MAST4: variants seen among roughly 807,000 people sequenced by gnomAD.
MAST4 encodes microtubule-associated serine/threonine-protein kinase 4.
A neutral mutation model predicts 162.7 loss-of-function variants in MAST4; 89 were observed. The observed-to-expected ratio is 0.55, with a 90% CI of 0.46 to 0.65. MAST4 has a LOEUF of 0.65. Among genes scored for constraint, MAST4 ranks in the 30% least tolerant of loss-of-function variants. The pLI, the probability that MAST4 is intolerant of heterozygous loss-of-function variation, is 0.00. For synonymous variants in MAST4, 1,479 were observed against 1,361.1 expected, an observed-to-expected ratio of 1.09 and a Z score of -1.91; for missense variants, 3,153 against 3,374.0, an observed-to-expected ratio of 0.93 and a Z score of 1.62.
intron 16 of MAST4, among the ~76,000 whole-genome samples, chr5:67,132,809 G>A (rs1398530094): frequency 1.3e-5 from 2 of 151,950 alleles, no homozygotes; most frequent in Non-Finnish European, 2.9e-5. Context: ...TTTGAAAAAT[G>A]CAGGGGAAAA....
intron 4 of MAST4, among the ~76,000 whole-genome samples, chr5:66,993,768 CA>C (rs1750299014): frequency 6.6e-6 from 1 of 152,152 alleles, no homozygotes; most frequent in South Asian, 2.1e-4. Flanking sequence ...GGAGAAATAA[CA>C]AGGGATTATA....
At chr5:67,007,089 T>C (rs906839502) in intron 4 of MAST4, among the ~76,000 whole-genome samples, 10 of 152,134 alleles carry the variant, frequency 6.6e-5, no homozygotes, top group African/African-American at 2.4e-4. Context: ...ATTATGTAGA[T>C]TCAGAAGGCT....
At chr5:67,035,621 G>T (rs1388405076) in intron 4 of MAST4, among the ~76,000 whole-genome samples, 2 of 152,194 alleles carry the variant, frequency 1.3e-5, no homozygotes, top group East Asian at 3.9e-4. Flanking sequence ...TTTAAACTGG[G>T]ATGTGGTCCT....
intron 1 of MAST4, among the ~76,000 whole-genome samples, chr5:66,715,957 A>T (rs977276880): frequency 5.3e-5 from 8 of 152,098 alleles, no homozygotes; most frequent in Non-Finnish European, 1.2e-4. Context: ...GATAATCTAG[A>T]TTAAATTTTT....
At chr5:66,673,639 C>T (rs1465613518) in intron 1 of MAST4, among the ~76,000 whole-genome samples, 2 of 150,664 alleles carry the variant, frequency 1.3e-5, no homozygotes, top group African/African-American at 2.4e-5. Context: ...GGATCACAGG[C>T]ACGTGCTGCC....
chr5:66,985,213 C>G (rs1399759175), intron 4 of MAST4, among the ~76,000 whole-genome samples: 1 of 152,052 alleles, frequency 6.6e-6, no homozygotes, highest in African/African-American at 2.4e-5. Context: ...GGAGAGTGGT[C>G]TTCTGTGTGG....
At chr5:66,775,815 C>T (rs188281982) in intron 2 of MAST4, among the ~76,000 whole-genome samples, 3 of 152,148 alleles carry the variant, frequency 2.0e-5, no homozygotes, top group East Asian at 1.9e-4. Context: ...CATTTGGAGG[C>T]GCTGGGGGAG....
At chr5:66,913,437 G>A (rs1471942048) in intron 4 of MAST4, among the ~76,000 whole-genome samples, 1 of 152,166 alleles carries the variant, frequency 6.6e-6, no homozygotes, top group Non-Finnish European at 1.5e-5. Context: ...ATTCGTCCAT[G>A]TCATAGCATA....
intron 1 of MAST4, among the ~76,000 whole-genome samples, chr5:66,741,925 C>T (rs1231475755): frequency 6.6e-6 from 1 of 152,008 alleles, no homozygotes; most frequent in Non-Finnish European, 1.5e-5. Flanking sequence ...GCTTAAAATC[C>T]CTGTATAAGG....
At chr5:67,052,216 A>G (rs1267628224) in intron 4 of MAST4, among the ~76,000 whole-genome samples, 1 of 152,180 alleles carries the variant, frequency 6.6e-6, no homozygotes, top group Non-Finnish European at 1.5e-5. Flanking sequence ...CATTGCATTC[A>G]TAATGAATCA....
chr5:67,078,924 A>ATTT (rs1561622301), intron 5 of MAST4, among the ~76,000 whole-genome samples: 7 of 78,698 alleles, frequency 8.9e-5, no homozygotes, highest in African/African-American at 3.6e-4. Context: ...ATATATATAT[A>ATTT]TATATATATA....
intron 5 of MAST4, among the ~76,000 whole-genome samples, chr5:67,066,377 A>G (rs546086473): frequency 3.0e-4 from 46 of 151,154 alleles, no homozygotes; most frequent in Non-Finnish European, 6.5e-4. Context: ...TGCATTTTAT[A>G]TATCTATTAT....
Position 67,168,346 on chromosome 5 carries a change from TA to T in MAST4, c.*1297del, listed in dbSNP as rs1774274290. The T allele has an allele frequency of 6.6e-6, 1 of 152,170 alleles. No homozygotes were observed. Among genetic ancestry groups the T allele is most frequent in the African/African-American group, 2.4e-5 (1 of 41,442 alleles). The allele number at this position is 152,170 out of a possible 1,614,324, so 9.4% of individuals were successfully genotyped here. On this transcript the variant is annotated 3_prime_UTR_variant, in exon 29 of 29. Coordinates refer to ENST00000403625, the MANE Select transcript of MAST4 (RefSeq NM_001164664.2). ...TATTTGTATGCAAAAAATACTGTCT[TA>T]ATACAGAGCAGCATTTTTGTAACAA...
At chr5:66,636,039 C>G (rs1745101469) in intron 1 of MAST4, among the ~76,000 whole-genome samples, 1 of 140,628 alleles carries the variant, frequency 7.1e-6, no homozygotes, top group Non-Finnish European at 1.5e-5. Context: ...CTCACTGCAA[C>G]CTCCGCCTCC....
chr5:66,607,186 C>CA (rs1253391177), intron 1 of MAST4, among the ~76,000 whole-genome samples: 1 of 152,126 alleles, frequency 6.6e-6, no homozygotes, highest in Non-Finnish European at 1.5e-5. Flanking sequence ...TGGCACAGAA[C>CA]CTTGCATGAT....
chr5:66,885,862 G>A (rs1213492309), intron 3 of MAST4, among the ~76,000 whole-genome samples: 1 of 152,142 alleles, frequency 6.6e-6, no homozygotes, highest in African/African-American at 2.4e-5. Context: ...CCTTAGGGTT[G>A]CAGTGTCAGA....
intron 4 of MAST4, among the ~76,000 whole-genome samples, chr5:67,041,046 C>T (rs374894082): frequency 6.8e-4 from 103 of 152,300 alleles, no homozygotes; most frequent in African/African-American, 1.9e-3. Context: ...GTGTGTTAAA[C>T]GCTTTGTCAG....
At chr5:67,044,418 G>A (rs1428173846) in intron 4 of MAST4, among the ~76,000 whole-genome samples, 1 of 152,220 alleles carries the variant, frequency 6.6e-6, no homozygotes, top group Non-Finnish European at 1.5e-5. Context: ...AATAGGCAAT[G>A]AGATATAGGC....
At chr5:66,928,812 G>A (rs903628846) in intron 4 of MAST4, among the ~76,000 whole-genome samples, 6 of 152,160 alleles carry the variant, frequency 3.9e-5, no homozygotes, top group Non-Finnish European at 7.4e-5. Flanking sequence ...GACACTCTGG[G>A]CAAGAGTGCT....
Sources: allele counts gnomAD v4.1 joint callset (sites outside exome capture counted in the v4.1 genomes callset), GRCh38; gene constraint gnomAD v4.1.1; transcripts MANE v1.5; gene names NCBI Gene and HGNC (gene_info 2026-07-23, HGNC 2026-07-21).